Variants in CACNA2D3 observed in about 807,000 individuals in gnomAD.
The protein encoded by CACNA2D3 is voltage-dependent calcium channel subunit alpha-2/delta-3.
CACNA2D3 carries 60 observed loss-of-function variants against 160.6 expected under a neutral mutation model. That is an observed-to-expected ratio of 0.37 (90% confidence interval 0.30 to 0.46). The LOEUF (loss-of-function observed/expected upper bound fraction) is 0.46. Ranked by LOEUF, CACNA2D3 falls within the 20% of genes least tolerant of loss-of-function variation. The probability of loss-of-function intolerance (pLI) is 1.00; values close to 1 mark genes in which losing one functional copy is unlikely to be tolerated. For synonymous variants in CACNA2D3, 558 were observed against 492.9 expected (o/e 1.13, Z -1.75); for missense variants, 1,205 against 1,365.0 (o/e 0.88, Z 1.85).
chr3:54,884,441 G>A (rs1699878733), intron 21 of CACNA2D3, among the ~76,000 whole-genome samples: 3 of 152,204 alleles, frequency 2.0e-5, no homozygotes, highest in Non-Finnish European at 4.4e-5. Context: ...ATAGATTTGT[G>A]TTTGAGATGG....
intron 5 of CACNA2D3, among the ~76,000 whole-genome samples, chr3:54,508,199 C>T (rs947468746): frequency 1.3e-5 from 2 of 152,188 alleles, no homozygotes; most frequent in Non-Finnish European, 2.9e-5. Flanking sequence ...CCTGGAAGGG[C>T]TGGCCAGGTG....
Position 54,792,112 on chromosome 3 carries a change from C to T in CACNA2D3, c.1381-24741C>T, listed in dbSNP as rs78407391. On this transcript the variant is annotated intron_variant, in intron 13 of 37. Transcript: ENST00000474759. ...TTCCCTGAATATCCATGGTTCGTGA[C>T]AGCTCCTGGAGAGTGTGACACCTGA... Among the ~76,000 whole-genome samples the T allele has an allele frequency of 9.7e-3, 1,485 of 152,310 alleles. 21 individuals carry two copies. The highest frequency in any genetic ancestry group is 0.033 in the African/African-American group (1,386 of 41,560).
intron 14 of CACNA2D3, among the ~76,000 whole-genome samples, chr3:54,820,145 G>A (rs944784473): frequency 3.3e-5 from 5 of 152,104 alleles, no homozygotes; most frequent in African/African-American, 4.8e-5. Context: ...GAGCGCATAC[G>A]TTGTACCATA....
chr3:54,850,942 A>G (rs1057283945), intron 17 of CACNA2D3, among the ~76,000 whole-genome samples: 14 of 152,268 alleles, frequency 9.2e-5, no homozygotes, highest in African/African-American at 1.4e-4. Context: ...CATTCCTTCA[A>G]CATACACTGA....
At chr3:54,661,383 G>A (rs187222529) in intron 11 of CACNA2D3, among the ~76,000 whole-genome samples, 206 of 152,200 alleles carry the variant, frequency 1.4e-3, no homozygotes, top group Non-Finnish European at 2.2e-3. Flanking sequence ...AAAAACTAAC[G>A]GTTTTAGAAT....
intron 17 of CACNA2D3, among the ~76,000 whole-genome samples, chr3:54,847,849 G>T (rs1393072184): frequency 6.6e-6 from 1 of 151,618 alleles, no homozygotes; most frequent in Non-Finnish European, 1.5e-5. Context: ...TTTGTTGGAA[G>T]TAAGAGAAGT....
intron 2 of CACNA2D3, chr3:54,272,832 G>A (rs1173796440): frequency 6.6e-6 from 1 of 152,292 alleles, no homozygotes; most frequent in Non-Finnish European, 1.5e-5. Flanking sequence ...TTCCAGTCCG[G>A]GTAGACTGGC....
At chr3:54,670,692 A>G (rs1033174282) in intron 11 of CACNA2D3, among the ~76,000 whole-genome samples, 1 of 152,286 alleles carries the variant, frequency 6.6e-6, no homozygotes. Flanking sequence ...TCTTCCTGTG[A>G]TAGGTCTTGG....
intron 4 of CACNA2D3, among the ~76,000 whole-genome samples, chr3:54,479,009 A>G (rs1315446428): frequency 6.6e-6 from 1 of 151,990 alleles, no homozygotes; most frequent in Non-Finnish European, 1.5e-5. Context: ...TCTCACCTTG[A>G]ATTGTAGTTA....
At chr3:54,535,128 C>CAGTG (rs1388310610) in intron 5 of CACNA2D3, among the ~76,000 whole-genome samples, 1 of 152,178 alleles carries the variant, frequency 6.6e-6, no homozygotes, top group Non-Finnish European at 1.5e-5. Context: ...TAGCCTGGAA[C>CAGTG]AGTGGCTCAC....
At position 54,888,867 on chromosome 3, in the gene CACNA2D3, T is replaced by C. The variant is rs75562668; in HGVS notation, c.2150+815T>C. On this transcript the variant is annotated intron_variant, in intron 24 of 37. Transcript: ENST00000474759. Reference sequence around the variant, plus strand: ...GTTATGTGCCAGACTCTGAGCGAGGTGTTGGGGAAATGGAGAGAAACCACA... The same window carrying C: ...GTTATGTGCCAGACTCTGAGCGAGGCGTTGGGGAAATGGAGAGAAACCACA... Among the ~76,000 whole-genome samples, 1,083 of 152,158 alleles carry C rather than the reference T, an allele frequency of 7.1e-3. 15 individuals carry two copies. Among genetic ancestry groups the C allele is most frequent in the African/African-American group, 0.025 (1,032 of 41,492 alleles).
intron 2 of CACNA2D3, among the ~76,000 whole-genome samples, chr3:54,163,176 G>A (rs1700381513): frequency 6.6e-6 from 1 of 152,202 alleles, no homozygotes; most frequent in Admixed American, 6.5e-5. Context: ...TGATGACTTT[G>A]GATTTGACAC....
intron 5 of CACNA2D3, among the ~76,000 whole-genome samples, chr3:54,515,985 A>G (rs2106974056): frequency 2.0e-5 from 3 of 152,282 alleles, no homozygotes; most frequent in East Asian, 3.9e-4. Context: ...CTAAGTGGCC[A>G]AGAGTGCAGC....
intron 29 of CACNA2D3, among the ~76,000 whole-genome samples, chr3:54,974,532 A>G (rs1043886481): frequency 6.6e-6 from 1 of 151,994 alleles, no homozygotes; most frequent in Non-Finnish European, 1.5e-5. Flanking sequence ...TGCCCTTCCA[A>G]TCTGTGACTG....
At chr3:54,496,830 G>A (rs867849284) in intron 4 of CACNA2D3, among the ~76,000 whole-genome samples, 23 of 152,108 alleles carry the variant, frequency 1.5e-4, no homozygotes, top group Non-Finnish European at 1.0e-4. Context: ...TAGGGGTTGA[G>A]AATGTAGTTT....
chr3:54,631,479 G>GT (rs1414915637), intron 10 of CACNA2D3, among the ~76,000 whole-genome samples: 2 of 151,882 alleles, frequency 1.3e-5, no homozygotes, highest in African/African-American at 2.4e-5. Context: ...ATCTTCCTGT[G>GT]TATTATGCCT....
At chr3:54,596,902 A>G (rs189186280) in intron 9 of CACNA2D3, among the ~76,000 whole-genome samples, 1 of 152,022 alleles carries the variant, frequency 6.6e-6, no homozygotes, top group Non-Finnish European at 1.5e-5. Context: ...CCACCTAACA[A>G]GGGGCTCAGT....
chr3:54,358,774 T>G (rs1698692974), intron 3 of CACNA2D3, among the ~76,000 whole-genome samples: 2 of 152,202 alleles, frequency 1.3e-5, no homozygotes, highest in South Asian at 4.1e-4. Flanking sequence ...ATCAACCAGA[T>G]GCAAGCTAGA....
intron 2 of CACNA2D3, among the ~76,000 whole-genome samples, chr3:54,142,859 C>G (rs1699961735): frequency 6.6e-6 from 1 of 152,230 alleles, no homozygotes; most frequent in Admixed American, 6.5e-5. Flanking sequence ...TCTGTAACCA[C>G]TATACTATAC....
Sources: allele counts gnomAD v4.1 joint callset (sites outside exome capture counted in the v4.1 genomes callset), GRCh38; gene constraint gnomAD v4.1.1; transcripts MANE v1.5; gene names NCBI Gene and HGNC (gene_info 2026-07-23, HGNC 2026-07-21).